Variants in ADAMTSL1 observed in about 807,000 individuals in gnomAD.
ADAMTSL1 encodes the protein ADAMTS like 1.
A neutral mutation model predicts 201.8 loss-of-function variants in ADAMTSL1; 126 were observed. The observed-to-expected ratio is 0.62, with a 90% CI of 0.54 to 0.72. ADAMTSL1 has a LOEUF of 0.72. Among genes scored for constraint, ADAMTSL1 ranks in the 30% least tolerant of loss-of-function variants. ADAMTSL1 has a pLI of 0.00. For missense variants in ADAMTSL1, 2,679 were observed against 2,277.8 expected, an observed-to-expected ratio of 1.18 and a Z score of -3.59; for synonymous variants, 1,121 against 903.4, an observed-to-expected ratio of 1.24 and a Z score of -4.32.
intron 1 of ADAMTSL1, among the ~76,000 whole-genome samples, chr9:18,003,987 CAATT>C (rs944384402): frequency 6.6e-6 from 1 of 151,906 alleles, no homozygotes; most frequent in African/African-American, 2.4e-5. Flanking sequence ...TGTTTAAAAA[CAATT>C]AAGCTGTAGA....
intron 2 of ADAMTSL1, among the ~76,000 whole-genome samples, chr9:18,259,190 A>G (rs1210874209): frequency 6.6e-6 from 1 of 152,116 alleles, no homozygotes; most frequent in Non-Finnish European, 1.5e-5. Context: ...GTGCTTACCA[A>G]AGTCATAGCT....
intron 1 of ADAMTSL1, among the ~76,000 whole-genome samples, chr9:17,909,332 C>A (rs1393985785): frequency 6.9e-6 from 1 of 145,836 alleles, no homozygotes; most frequent in Non-Finnish European, 1.5e-5. Flanking sequence ...TTAATGAGAT[C>A]CCATTTGTCA....
At chr9:18,178,881 C>G (rs1460717045) in intron 2 of ADAMTSL1, among the ~76,000 whole-genome samples, 1 of 151,932 alleles carries the variant, frequency 6.6e-6, no homozygotes, top group Non-Finnish European at 1.5e-5. Context: ...ATTTGTACAT[C>G]ACCATCATCA....
chr9:18,017,205 G>A (rs777949184), intron 1 of ADAMTSL1, among the ~76,000 whole-genome samples: 1 of 151,964 alleles, frequency 6.6e-6, no homozygotes, highest in Non-Finnish European at 1.5e-5. Context: ...GTTGTTCTTT[G>A]CAAAGTTAAA....
At position 18,387,014 on chromosome 9, in the gene ADAMTSL1, A is replaced by C. The variant is rs181169333; in HGVS notation, c.208-117815A>C. ...AAGGTCTTATAAATGATGTGGTAGAAGTATATTTATTGATGGGTAAGGGAT... is the reference window on the plus strand; with the variant it reads ...AAGGTCTTATAAATGATGTGGTAGACGTATATTTATTGATGGGTAAGGGAT... On this transcript the variant is annotated intron_variant, in intron 2 of 29. Transcript: ENST00000680146. 1.6e-4 allele frequency among the ~76,000 whole-genome samples: 25 copies of C among 152,274 alleles called. No homozygotes were observed. The East Asian group carries it at 2.3e-3, about 14-fold the overall frequency.
intron 2 of ADAMTSL1, among the ~76,000 whole-genome samples, chr9:18,428,233 G>A (rs899803919): frequency 5.9e-5 from 9 of 152,100 alleles, no homozygotes; most frequent in African/African-American, 1.7e-4. Flanking sequence ...AGTCCCTGAT[G>A]AATGCAAGGA....
rs370556786 is a variant in ADAMTSL1 at position 18,639,403 on chromosome 9, A to G, written c.826A>G (p.Ile276Val). 6.2e-7 allele frequency: 1 copy of G among 1,612,192 alleles called. No individual in the cohort carries two copies. The highest frequency in any genetic ancestry group is 1.3e-5 in the African/African-American group (1 of 74,840). ...RMAGPLTADF[I>V]VKIRNSGSAD... The stretch of plus-strand genomic sequence containing the variant: ...GGCTGGACCACTCACAGCAGATTTC[A>G]TTGTCAAGGTGAGCCCTATTTAGAT... The change falls in exon 7 of 29, where the codon ATT (isoleucine) becomes GTT (valine). Residue 276 changes from isoleucine (I) to valine (V), a missense_variant. Ile to Val is a conservative substitution (Grantham distance 29). Transcript: ENST00000380548.
chr9:18,622,434 G>A, intron 5 of ADAMTSL1, 65 bp downstream of exon 5: 1 of 1,608,110 alleles, frequency 6.2e-7, no homozygotes, highest in Non-Finnish European at 8.5e-7. Flanking sequence ...CTTAGGTCTG[G>A]CCCCACTAAA....
At position 18,863,462 on chromosome 9, in the gene ADAMTSL1, G is replaced by C. The variant is rs1308411774; in HGVS notation, c.4250-24369G>C. ...TTTATTTTTCCAGGAATGTCTTAAA[G>C]TTAGTTTTCTTTGGGAAAATGTACA... On this transcript the variant is annotated intron_variant, in intron 23 of 28. Coordinates refer to ENST00000380548, the MANE Select transcript of ADAMTSL1 (RefSeq NM_001040272.6). Among the ~76,000 whole-genome samples the C allele has an allele frequency of 2.0e-5, 3 of 152,304 alleles. No homozygotes were observed. The East Asian group carries it at 5.8e-4, about 29-fold the overall frequency.
chr9:18,433,844 G>A (rs997012701), intron 2 of ADAMTSL1, among the ~76,000 whole-genome samples: 4 of 152,160 alleles, frequency 2.6e-5, no homozygotes, highest in African/African-American at 9.7e-5. Flanking sequence ...ATGTGTATAT[G>A]TCCTGACATA....
chr9:18,756,076 A>AATATATAT lies in ADAMTSL1; in HGVS notation c.2217+2608_2217+2615dup, dbSNP rs55717414. ...ATGGTGAAACCCTGTCTCTACTGAA[A>AATATATAT]ATATATATATATATATATATATATA... On this transcript the variant is annotated intron_variant, in intron 16 of 28. Transcript: ENST00000380548. Among the ~76,000 whole-genome samples the AATATATAT allele has an allele frequency of 7.7e-3, 620 of 80,526 alleles. 13 individuals are homozygous for AATATATAT. The highest frequency in any genetic ancestry group is 0.011 in the Non-Finnish European group (409 of 38,004). The allele number at this position is 80,526 out of a possible 152,430, so 52.8% of individuals were successfully genotyped here.
chr9:18,257,920 T>C (rs1391494643), intron 2 of ADAMTSL1, among the ~76,000 whole-genome samples: 1 of 152,142 alleles, frequency 6.6e-6, no homozygotes, highest in African/African-American at 2.4e-5. Flanking sequence ...GGAAACTTCA[T>C]AGAGACAGAA....
chr9:17,983,072 C>CTT (rs199805015), intron 1 of ADAMTSL1, among the ~76,000 whole-genome samples: 2 of 100,316 alleles, frequency 2.0e-5, no homozygotes, highest in South Asian at 3.2e-4. Flanking sequence ...TTCTTTCTTT[C>CTT]TTTCTTTTTT....
At chr9:18,806,325 A>G (rs1454189622) in intron 20 of ADAMTSL1, among the ~76,000 whole-genome samples, 1 of 152,264 alleles carries the variant, frequency 6.6e-6, no homozygotes, top group Non-Finnish European at 1.5e-5. Context: ...TTCATGTTCC[A>G]TCTGCTAGAA....
At chr9:18,001,841 G>T (rs61454412) in intron 1 of ADAMTSL1, among the ~76,000 whole-genome samples, 3,970 of 152,098 alleles carry the variant, frequency 0.026, 124 homozygotes, top group African/African-American at 0.081. Flanking sequence ...AGTTTTGGCA[G>T]ATAGGAAGCC....
intron 1 of ADAMTSL1, among the ~76,000 whole-genome samples, chr9:18,068,227 G>A (rs1040862266): frequency 6.6e-6 from 1 of 151,994 alleles, no homozygotes; most frequent in Non-Finnish European, 1.5e-5. Context: ...AGTGCAGTTG[G>A]CCCTCCATAT....
intron 1 of ADAMTSL1, among the ~76,000 whole-genome samples, chr9:18,010,999 G>C (rs1223816103): frequency 2.6e-5 from 4 of 151,828 alleles, no homozygotes; most frequent in African/African-American, 9.7e-5. Context: ...ATCAGTTTCT[G>C]AAAGACATGG....
chr9:18,039,672 G>A (rs1378451194), intron 1 of ADAMTSL1, among the ~76,000 whole-genome samples: 1 of 152,138 alleles, frequency 6.6e-6, no homozygotes, highest in African/African-American at 2.4e-5. Flanking sequence ...TCAAGTTAAT[G>A]CTGTGGAGAC....
chr9:18,483,599 A>C (rs191228820), intron 1 of ADAMTSL1, among the ~76,000 whole-genome samples: 3 of 152,292 alleles, frequency 2.0e-5, no homozygotes, highest in Non-Finnish European at 4.4e-5. Flanking sequence ...AGTCCAAGGC[A>C]GGTGGATCAG....
Sources: gnomAD v4.1 joint callset for allele counts (sites outside exome capture counted in the v4.1 genomes callset) on GRCh38, gnomAD v4.1.1 for gene constraint, MANE v1.5 for transcripts, NCBI Gene and HGNC (gene_info 2026-07-23, HGNC 2026-07-21) for gene names.